Variants in GLYATL1 observed in about 807,000 individuals in gnomAD.
GLYATL1 encodes the protein glycine N-acyltransferase-like protein 1.
A neutral mutation model predicts 20.0 loss-of-function variants in GLYATL1; 15 were observed. The ratio of observed to expected loss-of-function variants is 0.75; its 90% CI spans 0.50 to 1.15. The LOEUF (loss-of-function observed/expected upper bound fraction) is 1.15, where lower values mean the gene tolerates loss of function less well. Among genes scored for constraint, GLYATL1 ranks in the 50% most tolerant of loss-of-function variants. The pLI, the probability that GLYATL1 is intolerant of heterozygous loss-of-function variation, is 0.00. For missense variants in GLYATL1, 380 were observed against 368.5 expected, an observed-to-expected ratio of 1.03 and a Z score of -0.26; for synonymous variants, 151 against 131.5, an observed-to-expected ratio of 1.15 and a Z score of -1.01.
Position 58,920,697 on chromosome 11 carries a change from A to G in GLYATL1, n.264+15036A>G, listed in dbSNP as rs549403854. 9.8e-5 allele frequency among the ~76,000 whole-genome samples: 15 copies of G among 152,322 alleles called. 1 individual carries two copies. The South Asian group carries it at 3.1e-3, about 32-fold the overall frequency. ...TCACAGTCTCTAAAGCTATGCTGGG[A>G]TTCTCACATAGAAGCCCTTGGTATC... is the stretch of plus-strand genomic sequence containing the variant. On this transcript the variant is annotated intron_variant and non_coding_transcript_variant, in intron 1 of 2. Transcript: ENST00000534674.
chr11:58,907,384 A>C (rs1854924043), exon 2 of GLYATL1: 1 of 456,124 alleles, frequency 2.2e-6, no homozygotes, highest in Non-Finnish European at 4.4e-6. Context: ...AGTCTGCTGG[A>C]GTGGAATTTA....
intron 1 of GLYATL1, among the ~76,000 whole-genome samples, chr11:58,940,013 T>C (rs899421713): frequency 1.3e-5 from 2 of 152,214 alleles, no homozygotes; most frequent in Non-Finnish European, 1.5e-5. Context: ...GTTTTAGTGA[T>C]TGTTTGCAAG....
intron 1 of GLYATL1, among the ~76,000 whole-genome samples, chr11:58,932,694 CAGA>C (rs1482771574): frequency 1.3e-5 from 2 of 152,174 alleles, no homozygotes; most frequent in African/African-American, 4.8e-5. Flanking sequence ...GTGCAAATCA[CAGA>C]AGAACAAATT....
At chr11:58,907,675 T>G in exon 2 of GLYATL1, 1 of 196,756 alleles carries the variant, frequency 5.1e-6, no homozygotes, top group Middle Eastern at 2.4e-3. Context: ...TTTAAATACT[T>G]CCTGATTTTT....
At chr11:58,950,290 TA>T (rs1345086917) in intron 4 of GLYATL1, among the ~76,000 whole-genome samples, 111 of 136,986 alleles carry the variant, frequency 8.1e-4, no homozygotes, top group Middle Eastern at 7.4e-3. Context: ...AGACTCCGTC[TA>T]AAAAAAAAAA....
upstream of GLYATL1, among the ~76,000 whole-genome samples, chr11:58,925,611 T>C (rs937612313): frequency 2.0e-5 from 3 of 152,210 alleles, no homozygotes; most frequent in South Asian, 2.1e-4. Flanking sequence ...GGTGGACATA[T>C]GCACACATTC....
chr11:58,906,134 G>A (rs1854876798), intron 1 of GLYATL1, among the ~76,000 whole-genome samples: 1 of 152,170 alleles, frequency 6.6e-6, no homozygotes, highest in South Asian at 2.1e-4. Flanking sequence ...CTGGTTCTGG[G>A]TCGGACCCGG....
chr11:58,931,094 T>A (rs917388823), intron 1 of GLYATL1, among the ~76,000 whole-genome samples: 1 of 152,218 alleles, frequency 6.6e-6, no homozygotes, highest in Non-Finnish European at 1.5e-5. Context: ...TATCTCATCG[T>A]TCTGGAGGTT....
At chr11:58,933,785 AC>A (rs1301972037) in intron 1 of GLYATL1, 1 of 151,890 alleles carries the variant, frequency 6.6e-6, no homozygotes, top group Non-Finnish European at 1.5e-5. Context: ...TCATCCAGCA[AC>A]TCTTTGTAGG....
chr11:58,934,231 G>T (rs1855728410), intron 1 of GLYATL1: 1 of 153,072 alleles, frequency 6.5e-6, no homozygotes, highest in Non-Finnish European at 1.5e-5. Flanking sequence ...GGCAGACCTG[G>T]AGCCTGAGTC....
chr11:58,908,767 G>A (rs1332373648), downstream of GLYATL1, among the ~76,000 whole-genome samples: 8 of 152,182 alleles, frequency 5.3e-5, no homozygotes, highest in East Asian at 5.8e-4. Flanking sequence ...AACAAGATGA[G>A]TAACAAACAA....
intron 1 of GLYATL1, among the ~76,000 whole-genome samples, chr11:58,930,442 G>A (rs1329407117): frequency 2.0e-5 from 3 of 152,052 alleles, no homozygotes; most frequent in Non-Finnish European, 4.4e-5. Flanking sequence ...AGGGAACAAA[G>A]CATATTCATG....
chr11:58,954,330 T>A (rs1378085678), intron 4 of GLYATL1, among the ~76,000 whole-genome samples: 1 of 152,218 alleles, frequency 6.6e-6, no homozygotes, highest in Non-Finnish European at 1.5e-5. Flanking sequence ...ACAGTATATA[T>A]AACAGGAGTA....
rs552443848 is a variant in GLYATL1 at position 58,908,580 on chromosome 11, G to A, written n.1578G>A. 44 of 180,636 alleles carry A rather than the reference G, an allele frequency of 2.4e-4. 1 individual carries two copies. Among genetic ancestry groups the A allele is most frequent in the African/African-American group, 9.0e-4 (38 of 42,170 alleles). 11.2% of individuals were successfully genotyped at this position (180,636 alleles called of 1,614,324 possible). On this transcript the variant is annotated non_coding_transcript_exon_variant, in exon 2 of 2. Transcript: ENST00000524629. Reference sequence around the variant, plus strand: ...TACTTTTTTACAACTCCTCACTGGAGAGATAGTCTAACCGTGGTGCCAATT... The same window carrying A: ...TACTTTTTTACAACTCCTCACTGGAAAGATAGTCTAACCGTGGTGCCAATT...
chr11:58,916,676 G>A (rs1855180169), intron 1 of GLYATL1, among the ~76,000 whole-genome samples: 1 of 152,364 alleles, frequency 6.6e-6, no homozygotes, highest in African/African-American at 2.4e-5. Flanking sequence ...TTGGAAGTGA[G>A]GGAGTGACTC....
exon 2 of GLYATL1, chr11:58,907,379 G>A (rs1310740954): frequency 2.2e-6 from 1 of 456,164 alleles, no homozygotes; most frequent in Non-Finnish European, 4.4e-6. Context: ...ACGGTAGTCT[G>A]CTGGAGTGGA....
chr11:58,934,735 T>A (rs1292800685), upstream of GLYATL1: 2 of 151,268 alleles, frequency 1.3e-5, no homozygotes, highest in African/African-American at 4.9e-5. Flanking sequence ...GCCTGGAGAG[T>A]GGGGTGGCAG....
At chr11:58,934,663 C>A, upstream of GLYATL1, 1 of 152,300 alleles carries the variant, frequency 6.6e-6, no homozygotes, top group Non-Finnish European at 1.5e-5. Flanking sequence ...CTGCCCAATA[C>A]TGGAGTCAAC....
rs759941357 is a variant in GLYATL1, at chr11:58,955,715, G to T, written c.597G>T (p.Lys199Asn). 6.2e-7 allele frequency: 1 copy of T among 1,614,076 alleles called. No individual in the cohort carries two copies. The highest frequency in any genetic ancestry group is 8.5e-7 in the Non-Finnish European group (1 of 1,180,048). Reference sequence around the variant, plus strand: ...ATGAGAGGAGCCTGCATTACATCAAGCGCTGCATAGAAGACCTGCCAGCAG... The same window carrying T: ...ATGAGAGGAGCCTGCATTACATCAATCGCTGCATAGAAGACCTGCCAGCAG... The part of the protein sequence containing the change: ...GKNERSLHYI[K>N]RCIEDLPAAC... Residue 199 changes from lysine (K) to asparagine (N), a missense_variant, in exon 7 of 7, where the codon AAG (lysine) becomes AAT (asparagine). By Grantham distance (94) the Lys-to-Asn change is moderately conservative. Transcript: ENST00000532726.
Sources: allele counts gnomAD v4.1 joint callset (sites outside exome capture counted in the v4.1 genomes callset), GRCh38; gene constraint gnomAD v4.1.1; transcripts MANE v1.5; gene names NCBI Gene and HGNC (gene_info 2026-07-23, HGNC 2026-07-21).